The following SLC10A7 variants were observed in gnomAD, a reference collection of about 807,000 sequenced individuals.
SLC10A7 encodes solute carrier family 10 member 7.
A neutral mutation model predicts 43.2 loss-of-function variants in SLC10A7; 29 were observed. The observed-to-expected ratio is 0.67, with a 90% CI of 0.50 to 0.92. The LOEUF is 0.92. Ranked by LOEUF, SLC10A7 falls within the 40% of genes least tolerant of loss-of-function variation. The pLI is 0.00. For missense variants in SLC10A7, 295 were observed against 403.2 expected (o/e 0.73, Z 2.30); for synonymous variants, 152 against 144.8 (o/e 1.05, Z -0.35).
At chr4:146,389,317 T>A (rs201583661) in intron 5 of SLC10A7, among the ~76,000 whole-genome samples, 33 of 147,758 alleles carry the variant, frequency 2.2e-4, no homozygotes, top group African/African-American at 2.2e-4. Flanking sequence ...TCTACAAAAA[T>A]AAAAAAAAAA....
intron 6 of SLC10A7, among the ~76,000 whole-genome samples, chr4:146,306,975 A>G (rs1303621453): frequency 6.6e-6 from 1 of 152,170 alleles, no homozygotes; most frequent in Non-Finnish European, 1.5e-5. Flanking sequence ...ATCTTTTGGA[A>G]AACAATTTTT....
chr4:146,452,497 A>C (rs58861031), intron 4 of SLC10A7, among the ~76,000 whole-genome samples: 53 of 152,250 alleles, frequency 3.5e-4, no homozygotes, highest in African/African-American at 1.1e-3. Flanking sequence ...GCACTTTCTA[A>C]AGTGCTATAA....
chr4:146,286,499 A>G (rs1729961313), intron 9 of SLC10A7, among the ~76,000 whole-genome samples: 1 of 151,644 alleles, frequency 6.6e-6, no homozygotes, highest in Non-Finnish European at 1.5e-5. Flanking sequence ...TGGAGTGGTG[A>G]GAAGGACTGT....
intron 4 of SLC10A7, among the ~76,000 whole-genome samples, chr4:146,468,473 A>ATTTTTTTTTTT (rs368637891): frequency 1.4e-5 from 2 of 143,582 alleles, no homozygotes; most frequent in East Asian, 4.2e-4. Flanking sequence ...TTATATTTTA[A>ATTTTTTTTTTT]TTTTTTTTTT....
intron 4 of SLC10A7, among the ~76,000 whole-genome samples, chr4:146,445,884 C>G (rs1731010752): frequency 8.7e-6 from 1 of 114,654 alleles, no homozygotes. Flanking sequence ...CTTCTCTCTT[C>G]TCTCTTCTGT....
intron 11 of SLC10A7, among the ~76,000 whole-genome samples, chr4:146,257,885 GC>G (rs2110969504): frequency 6.6e-6 from 1 of 152,250 alleles, no homozygotes; most frequent in East Asian, 1.9e-4. Flanking sequence ...TGGTACTGTG[GC>G]CATCCTATTT....
At chr4:146,256,807 A>G (rs540240842) in intron 11 of SLC10A7, 16 of 1,499,314 alleles carry the variant, frequency 1.1e-5, no homozygotes, top group Non-Finnish European at 1.3e-5. Context: ...TGCAAAGCAG[A>G]GGAGGCACTC....
chr4:146,286,297 A>AGTTTGGAGTGGTGAGAAGGACTGT (rs1560763392), intron 9 of SLC10A7, among the ~76,000 whole-genome samples: 6 of 13,662 alleles, frequency 4.4e-4, no homozygotes, highest in Admixed American at 1.7e-3. Context: ...AGAAGGACTG[A>AGTTTGGAGTGGTGAGAAGGACTGT]GTTTGGAGTG....
intron 7 of SLC10A7, among the ~76,000 whole-genome samples, chr4:146,301,600 G>C (rs1731165894): frequency 6.6e-6 from 1 of 152,196 alleles, no homozygotes; most frequent in African/African-American, 2.4e-5. Context: ...CAGTAATTTA[G>C]ACAAGAGATG....
chr4:146,432,908 C>CGG (rs879625805), intron 5 of SLC10A7, among the ~76,000 whole-genome samples: 23 of 151,570 alleles, frequency 1.5e-4, no homozygotes, highest in Admixed American at 7.9e-4. Flanking sequence ...CGTGGTGGTA[C>CGG]GCGCCTGTAG....
At chr4:146,305,530 G>A (rs1391229411) in intron 7 of SLC10A7, among the ~76,000 whole-genome samples, 3 of 148,540 alleles carry the variant, frequency 2.0e-5, no homozygotes, top group African/African-American at 7.5e-5. Context: ...CATATGTAAC[G>A]AACCTGCACA....
At chr4:146,465,876 C>G (rs1732980317) in intron 4 of SLC10A7, among the ~76,000 whole-genome samples, 1 of 152,172 alleles carries the variant, frequency 6.6e-6, no homozygotes. Flanking sequence ...GAGAAGGTTA[C>G]TCAAACCAGC....
At chr4:146,462,495 C>A (rs181978125) in intron 4 of SLC10A7, among the ~76,000 whole-genome samples, 6 of 152,216 alleles carry the variant, frequency 3.9e-5, no homozygotes, top group African/African-American at 1.4e-4. Flanking sequence ...AGAGCTCCCC[C>A]CAAACACTCT....
chr4:146,426,979 G>C (rs745386906), intron 5 of SLC10A7, among the ~76,000 whole-genome samples: 11 of 152,198 alleles, frequency 7.2e-5, no homozygotes, highest in Non-Finnish European at 1.3e-4. Context: ...ATTAGGAAAA[G>C]TAAGACAAAG....
intron 5 of SLC10A7, among the ~76,000 whole-genome samples, chr4:146,382,152 C>T (rs544094522): frequency 1.2e-4 from 18 of 152,176 alleles, no homozygotes; most frequent in African/African-American, 4.3e-4. Flanking sequence ...GTTCTGTTAT[C>T]ATCATACGGA....
chr4:146,408,827 C>T (rs998876016), intron 5 of SLC10A7: 2 of 152,030 alleles, frequency 1.3e-5, no homozygotes, highest in East Asian at 3.9e-4. Context: ...AATATCTATA[C>T]CACTTTAAGC....
At chr4:146,332,367 T>C (rs1414520150) in intron 5 of SLC10A7, among the ~76,000 whole-genome samples, 1 of 152,170 alleles carries the variant, frequency 6.6e-6, no homozygotes, top group Non-Finnish European at 1.5e-5. Context: ...CCATATCTCA[T>C]GTTGAGTTGT....
intron 10 of SLC10A7, among the ~76,000 whole-genome samples, chr4:146,273,331 G>A (rs1182476321): frequency 6.6e-6 from 1 of 152,048 alleles, no homozygotes; most frequent in East Asian, 1.9e-4. Context: ...TAGCTAACAC[G>A]CCACTCATAG....
chr4:146,326,946 A>G, intron 5 of SLC10A7, among the ~76,000 whole-genome samples: 1 of 96,006 alleles, frequency 1.0e-5, no homozygotes, highest in East Asian at 3.3e-4. Flanking sequence ...ACACACACAC[A>G]CACACACACA....
Sources: gnomAD v4.1 joint callset for allele counts (sites outside exome capture counted in the v4.1 genomes callset) on GRCh38, gnomAD v4.1.1 for gene constraint, MANE v1.5 for transcripts, NCBI Gene and HGNC (gene_info 2026-07-23, HGNC 2026-07-21) for gene names.